The following KLF8 variants were observed in gnomAD, a reference collection of about 807,000 sequenced individuals.
KLF8 encodes the protein KLF transcription factor 8, also known as Krueppel-like factor 8.
KLF8 carries 10 observed loss-of-function variants against 18.2 expected under a neutral mutation model. The ratio of observed to expected loss-of-function variants is 0.55; its 90% CI spans 0.34 to 0.93. KLF8 has a LOEUF of 0.93. Ranked by LOEUF, KLF8 falls within the 40% of genes least tolerant of loss-of-function variation. KLF8 has a pLI of 0.02. For missense variants in KLF8, 264 were observed against 277.9 expected (o/e 0.95, Z 0.36); for synonymous variants, 109 against 97.3 (o/e 1.12, Z -0.71).
At chrX:56,141,332 T>A in the KLF8 span, among the ~76,000 whole-genome samples, 1 of 111,913 alleles carries the variant, frequency 8.9e-6, no homozygotes, top group Admixed American at 9.5e-5. Context: ...GAATTTCCAA[T>A]GTATATCCTT....
chrX:56,196,344 G>A, the KLF8 span, among the ~76,000 whole-genome samples: 2 of 111,144 alleles, frequency 1.8e-5, no homozygotes, highest in African/African-American at 3.3e-5. Flanking sequence ...CCCATCTCAC[G>A]TGCAAAGATG....
chrX:56,075,693 G>C, the KLF8 span, among the ~76,000 whole-genome samples: 1 of 111,001 alleles, frequency 9.0e-6, no homozygotes, highest in Non-Finnish European at 1.9e-5. Context: ...TCTGGTAACC[G>C]TCCTTATACT....
At chrX:56,248,517 AATC>A (rs1249203272) in intron 1 of KLF8, among the ~76,000 whole-genome samples, 1 of 111,640 alleles carries the variant, frequency 9.0e-6, no homozygotes, top group African/African-American at 3.3e-5. Flanking sequence ...GCTGTCTCTT[AATC>A]CATAGGAATC....
At chrX:56,193,250 C>G in the KLF8 span, among the ~76,000 whole-genome samples, 3 of 112,351 alleles carry the variant, frequency 2.7e-5, no homozygotes, top group Non-Finnish European at 5.6e-5. Context: ...CAGAGAAATA[C>G]AAATCAAAAC....
At chrX:56,092,540 G>C in the KLF8 span, among the ~76,000 whole-genome samples, 3 of 111,323 alleles carry the variant, frequency 2.7e-5, no homozygotes, top group Non-Finnish European at 5.7e-5. Flanking sequence ...ACTTATTTAA[G>C]AGGGTGTCCT....
the KLF8 span, among the ~76,000 whole-genome samples, chrX:55,947,325 A>T: frequency 1.8e-5 from 2 of 110,081 alleles, no homozygotes; most frequent in Admixed American, 9.7e-5. Context: ...TGATGAGTTC[A>T]TGTCCTTTGT....
At chrX:56,194,408 T>C in the KLF8 span, among the ~76,000 whole-genome samples, 1 of 112,209 alleles carries the variant, frequency 8.9e-6, no homozygotes, top group Non-Finnish European at 1.9e-5. Context: ...ACAAGGAGAT[T>C]CCTGTGCCTG....
At chrX:55,951,496 AAG>A in the KLF8 span, among the ~76,000 whole-genome samples, 1 of 109,170 alleles carries the variant, frequency 9.2e-6, no homozygotes, top group Non-Finnish European at 1.9e-5. Context: ...AAAAAAAAGA[AAG>A]AAAGAAAGAA....
At chrX:56,213,312 TTC>T in the KLF8 span, among the ~76,000 whole-genome samples, 57 of 30,861 alleles carry the variant, frequency 1.8e-3, 4 homozygotes, top group African/African-American at 4.1e-3. Context: ...TTCTTTTCTT[TTC>T]TTTTTTTTTT....
chrX:56,200,405 G>C, the KLF8 span, among the ~76,000 whole-genome samples: 12 of 109,902 alleles, frequency 1.1e-4, no homozygotes, highest in African/African-American at 3.9e-4. Flanking sequence ...AATATTAAAT[G>C]GTGTTGGGAA....
chrX:56,287,838 G>A lies in KLF8; in HGVS notation c.*3344G>A, dbSNP rs1404552289. 1 of 112,106 alleles carries A rather than the reference G, an allele frequency of 8.9e-6. No homozygotes were observed. Among genetic ancestry groups the A allele is most frequent in the African/African-American group, 3.2e-5 (1 of 30,839 alleles). 9.2% of individuals were successfully genotyped at this position (112,106 alleles called of 1,213,427 possible). On this transcript the variant is annotated 3_prime_UTR_variant, in exon 6 of 6. Transcript: ENST00000468660. Reference sequence around the variant, plus strand: ...TGTTATTAGCATCTCACATTAATATGTGGTATATTTGTTACAATTAATAAA... The same window carrying A: ...TGTTATTAGCATCTCACATTAATATATGGTATATTTGTTACAATTAATAAA...
the KLF8 span, among the ~76,000 whole-genome samples, chrX:56,077,706 G>A: frequency 6.3e-5 from 7 of 111,548 alleles, no homozygotes; most frequent in African/African-American, 2.3e-4. Flanking sequence ...GATGGGGATG[G>A]CATTGAATCT....
the KLF8 span, among the ~76,000 whole-genome samples, chrX:56,098,659 C>A: frequency 9.0e-6 from 1 of 111,561 alleles, no homozygotes; most frequent in African/African-American, 3.3e-5. Flanking sequence ...GAAAGCTTTT[C>A]ATCTAAGATC....
the KLF8 span, among the ~76,000 whole-genome samples, chrX:56,222,088 A>C: frequency 3.6e-5 from 4 of 111,843 alleles, no homozygotes; most frequent in Non-Finnish European, 7.5e-5. Flanking sequence ...ACCCTGAGCT[A>C]GACACAGGGT....
chrX:56,155,293 A>G, the KLF8 span, among the ~76,000 whole-genome samples: 1 of 111,673 alleles, frequency 9.0e-6, no homozygotes, highest in Non-Finnish European at 1.9e-5. Context: ...GGATGAGTTC[A>G]TGTCCTTTAA....
the KLF8 span, among the ~76,000 whole-genome samples, chrX:56,121,185 CAAAAA>C: frequency 2.4e-5 from 1 of 40,860 alleles, no homozygotes; most frequent in African/African-American, 7.2e-5. Flanking sequence ...GACTCCGTCT[CAAAAA>C]AAAAAAAAAA....
the KLF8 span, among the ~76,000 whole-genome samples, chrX:56,150,186 C>G: frequency 5.7e-4 from 64 of 111,469 alleles, no homozygotes; most frequent in Non-Finnish European, 1.0e-3. Context: ...CAAGGTCATC[C>G]TGACTTAGCT....
At chrX:56,064,077 ATG>A in the KLF8 span, among the ~76,000 whole-genome samples, 17 of 105,959 alleles carry the variant, frequency 1.6e-4, no homozygotes, top group Middle Eastern at 4.9e-3. Context: ...ACATATATAC[ATG>A]TGTGTGTATA....
chrX:55,945,237 A>G, the KLF8 span, among the ~76,000 whole-genome samples: 8 of 110,126 alleles, frequency 7.3e-5, no homozygotes, highest in African/African-American at 2.6e-4. Context: ...TGGTGAGGAG[A>G]GCTTTACTTC....
Sources: allele counts gnomAD v4.1 joint callset (sites outside exome capture counted in the v4.1 genomes callset), GRCh38; gene constraint gnomAD v4.1.1; transcripts MANE v1.5; gene names NCBI Gene and HGNC (gene_info 2026-07-23, HGNC 2026-07-21).